Variants in CADPS observed in about 807,000 individuals in gnomAD.
CADPS encodes the protein calcium dependent secretion activator.
CADPS carries 57 observed loss-of-function variants against 167.3 expected under a neutral mutation model. The observed-to-expected ratio is 0.34, with a 90% confidence interval of 0.28 to 0.42. The LOEUF is 0.42. Ranked by LOEUF, CADPS falls within the 20% of genes least tolerant of loss-of-function variation. The pLI, the probability that CADPS is intolerant of heterozygous loss-of-function variation, is 1.00. For missense variants in CADPS, 1,414 were observed against 1,738.1 expected (o/e 0.81, Z 3.32); for synonymous variants, 676 against 635.3 (o/e 1.06, Z -0.96).
chr3:62,519,141 A>G lies in CADPS; in HGVS notation c.2292-891T>C, dbSNP rs73842445. Among the ~76,000 whole-genome samples, 693 of 152,332 alleles carry G rather than the reference A, an allele frequency of 4.5e-3. 4 individuals carry two copies. The highest frequency in any genetic ancestry group is 0.016 in the African/African-American group (668 of 41,586). On this transcript the variant is annotated intron_variant, in intron 13 of 29. Transcript: ENST00000383710. ...AACTAAATGCAGGATAATCTGACCC[A>G]TTCAAAGCCTTCAGCTTCCCAGATC...
At chr3:62,423,003 T>C (rs1426607148) in intron 28 of CADPS, among the ~76,000 whole-genome samples, 1 of 152,246 alleles carries the variant, frequency 6.6e-6, no homozygotes, top group Non-Finnish European at 1.5e-5. Context: ...ACTTTATTCT[T>C]ATGGGATAAA....
chr3:62,527,352 T>G (rs2072544742), intron 13 of CADPS, among the ~76,000 whole-genome samples: 1 of 152,044 alleles, frequency 6.6e-6, no homozygotes, highest in Non-Finnish European at 1.5e-5. Flanking sequence ...TTTAATAATA[T>G]CCCTAGCCTC....
chr3:62,442,839 G>C (rs575446017), intron 27 of CADPS, among the ~76,000 whole-genome samples: 2 of 152,110 alleles, frequency 1.3e-5, no homozygotes, highest in South Asian at 4.2e-4. Flanking sequence ...AAAACAGAAT[G>C]ATAATATTAA....
chr3:62,725,558 A>C (rs1216492711), intron 3 of CADPS, among the ~76,000 whole-genome samples: 2 of 149,564 alleles, frequency 1.3e-5, no homozygotes, highest in African/African-American at 5.1e-5. Context: ...CAACCATTGA[A>C]GCAAGAATGA....
At chr3:62,558,395 C>T (rs1193907482) in intron 9 of CADPS, among the ~76,000 whole-genome samples, 1 of 152,250 alleles carries the variant, frequency 6.6e-6, no homozygotes, top group East Asian at 1.9e-4. Flanking sequence ...TCTGGCTTGT[C>T]TGCAAGTAGC....
At chr3:62,490,637 G>A (rs952074322) in intron 21 of CADPS, among the ~76,000 whole-genome samples, 5 of 152,110 alleles carry the variant, frequency 3.3e-5, no homozygotes, top group African/African-American at 4.8e-5. Context: ...AAAAGCACAC[G>A]GTTGTCAAAT....
intron 6 of CADPS, among the ~76,000 whole-genome samples, chr3:62,634,731 A>G (rs2065945346): frequency 6.6e-6 from 1 of 152,226 alleles, no homozygotes; most frequent in Non-Finnish European, 1.5e-5. Context: ...CCAAAGCCAA[A>G]CTTGAAGGTA....
intron 16 of CADPS, among the ~76,000 whole-genome samples, chr3:62,515,665 A>ATACGC (rs2068798912): frequency 6.6e-6 from 1 of 152,072 alleles, no homozygotes; most frequent in Non-Finnish European, 1.5e-5. Flanking sequence ...ATTGCTTCCA[A>ATACGC]TGCTATCAGC....
rs1356725153 is a variant in CADPS, at chr3:62,420,240, C to T, written c.3778-17055G>A. Reference sequence around the variant, plus strand: ...CCTAGAATTTGAAGACAATAAGACCCAACAACTCTAACTGGGTTAAGAACA... The same window carrying T: ...CCTAGAATTTGAAGACAATAAGACCTAACAACTCTAACTGGGTTAAGAACA... On this transcript the variant is annotated intron_variant, in intron 28 of 29. Transcript: ENST00000383710. The surrounding 1 kb of genome is among the most constrained non-coding windows in gnomAD (Gnocchi z 4.1). Among the ~76,000 whole-genome samples the T allele has an allele frequency of 6.6e-6, 1 of 152,114 alleles. No individual in the cohort carries two copies. Among genetic ancestry groups the T allele is most frequent in the African/African-American group, 2.4e-5 (1 of 41,420 alleles).
rs1409153860 is a variant in CADPS, at chr3:62,570,197, G to T, written c.1644+675C>A. ...TATCTAAATAACTTGTGTGGAAAAA[G>T]CAACTTGCAGAACAACTTGAAGAAT... On this transcript the variant is annotated intron_variant, in intron 9 of 29. Coordinates refer to ENST00000383710, the MANE Select transcript of CADPS (RefSeq NM_003716.4). Among the ~76,000 whole-genome samples the T allele has an allele frequency of 5.4e-5, 8 of 148,538 alleles. No individual in the cohort carries two copies. In the South Asian group the frequency reaches 1.7e-3, roughly 31 times the overall value.
intron 5 of CADPS, among the ~76,000 whole-genome samples, chr3:62,650,083 T>C (rs1488298835): frequency 1.3e-5 from 2 of 152,240 alleles, no homozygotes; most frequent in East Asian, 3.8e-4. Flanking sequence ...TTCATTTTTA[T>C]TGGGTATCTG....
At chr3:62,600,878 G>A (rs1002157645) in intron 6 of CADPS, among the ~76,000 whole-genome samples, 27 of 152,214 alleles carry the variant, frequency 1.8e-4, no homozygotes, top group African/African-American at 6.5e-4. Context: ...CAGCTACTCA[G>A]GAGGTTGAGG....
intron 3 of CADPS, among the ~76,000 whole-genome samples, chr3:62,668,609 C>G (rs146684424): frequency 4.1e-4 from 62 of 152,290 alleles, no homozygotes; most frequent in Non-Finnish European, 8.7e-4. Context: ...TAATGATGCA[C>G]CTTTCCTTTC....
rs770322543 is a variant in CADPS at position 62,753,642 on chromosome 3, G to T, written c.687C>A (p.Ser229Arg). 6.8e-6 allele frequency: 11 copies of T among 1,614,056 alleles called. 1 individual carries two copies. The South Asian group carries it at 1.2e-4, about 18-fold the overall frequency. The change falls in exon 3 of 30, where the codon AGC becomes AGA. Residue 229 changes from serine to arginine, a missense_variant. Ser to Arg is a moderately radical substitution (Grantham distance 110, BLOSUM62 -1). Transcript: ENST00000383710. The surrounding 1 kb of genome is among the most constrained non-coding windows in gnomAD (Gnocchi z 4.6). Reference sequence around the variant, plus strand: ...TCCAGGAGCTCAGCACAGTCTCCTTGCTGAGGCCGTCAATCTCAGGCAGGC... The same window carrying T: ...TCCAGGAGCTCAGCACAGTCTCCTTTCTGAGGCCGTCAATCTCAGGCAGGC... ...VRSLPEIDGL[S>R]KETVLSSWMA...
chr3:62,628,857 C>G (rs2149646354), intron 6 of CADPS, among the ~76,000 whole-genome samples: 1 of 152,102 alleles, frequency 6.6e-6, no homozygotes, highest in African/African-American at 2.4e-5. Context: ...GATCTCTTGA[C>G]CTCGTGATTC....
chr3:62,517,812 G>C (rs1446686644), intron 14 of CADPS, among the ~76,000 whole-genome samples: 1 of 152,122 alleles, frequency 6.6e-6, no homozygotes, highest in Non-Finnish European at 1.5e-5. Flanking sequence ...TTCCTTCCTT[G>C]TTCACCATGT....
At position 62,465,636 on chromosome 3, in the gene CADPS, C is replaced by G. The variant is rs1039029755; in HGVS notation, c.3553-186G>C. 1.3e-5 allele frequency among the ~76,000 whole-genome samples: 2 copies of G among 152,120 alleles called. No individual in the cohort carries two copies. Among genetic ancestry groups the G allele is most frequent in the Non-Finnish European group, 2.9e-5 (2 of 68,020 alleles). ...TTTACATAGAAATATTTGACTTATCCGGCTTTCTCTTCATTATTATGTGAT... is the reference window on the plus strand; with the variant it reads ...TTTACATAGAAATATTTGACTTATCGGGCTTTCTCTTCATTATTATGTGAT... On this transcript the variant is annotated intron_variant, in intron 25 of 29. Coordinates refer to ENST00000383710, the MANE Select transcript of CADPS (RefSeq NM_003716.4). This position sits in a 1 kb window ranked among gnomAD's most constrained non-coding sequence, Gnocchi z 4.1.
intron 9 of CADPS, among the ~76,000 whole-genome samples, chr3:62,563,362 C>G (rs1193582628): frequency 6.6e-6 from 1 of 151,932 alleles, no homozygotes; most frequent in Non-Finnish European, 1.5e-5. Context: ...TATTGTATTC[C>G]AAGGCATTAT....
At chr3:62,696,842 G>T (rs1431470432) in intron 3 of CADPS, among the ~76,000 whole-genome samples, 3 of 151,998 alleles carry the variant, frequency 2.0e-5, no homozygotes, top group Non-Finnish European at 4.4e-5. Flanking sequence ...TGCACATGAG[G>T]ATGTTCTGAT....
Sources: gnomAD v4.1 joint callset for allele counts (sites outside exome capture counted in the v4.1 genomes callset) on GRCh38, gnomAD v4.1.1 for gene constraint, Gnocchi (gnomAD v3.1) non-coding constraint, MANE v1.5 for transcripts, NCBI Gene and HGNC (gene_info 2026-07-23, HGNC 2026-07-21) for gene names.